The following NETO2 variants were observed in gnomAD, a reference collection of about 807,000 sequenced individuals.
The protein encoded by NETO2 is neuropilin and tolloid like 2.
In NETO2, 28 loss-of-function variants were observed where a neutral mutation model predicts 62.5. That is an observed-to-expected ratio of 0.45 (90% CI 0.33 to 0.61). NETO2 has a LOEUF of 0.61. NETO2 is among the 20% of genes least tolerant of loss of function. NETO2 has a pLI of 0.02. For synonymous variants in NETO2, 214 were observed against 219.1 expected (o/e 0.98, Z 0.21); for missense variants, 548 against 643.2 (o/e 0.85, Z 1.60).
chr16:47,114,643 G>T (rs1016919405), intron 6 of NETO2, among the ~76,000 whole-genome samples: 1 of 150,824 alleles, frequency 6.6e-6, no homozygotes. Context: ...GTAGAGACGG[G>T]GTTTTACCGT....
chr16:47,102,349 T>C (rs1351382977), intron 7 of NETO2, among the ~76,000 whole-genome samples: 1 of 152,058 alleles, frequency 6.6e-6, no homozygotes, highest in Non-Finnish European at 1.5e-5. Context: ...GAAGAAAACC[T>C]AGGCAATACC....
At chr16:47,112,504 G>T (rs1215667902) in intron 6 of NETO2, among the ~76,000 whole-genome samples, 1 of 152,064 alleles carries the variant, frequency 6.6e-6, no homozygotes, top group African/African-American at 2.4e-5. Context: ...GACTACCGGT[G>T]TGCACCACCA....
Position 47,081,211 on chromosome 16 carries a change from A to G in NETO2, c.*2010T>C, listed in dbSNP as rs1050269438. On this transcript the variant is annotated 3_prime_UTR_variant, in exon 9 of 9. Coordinates refer to ENST00000562435, the MANE Select transcript of NETO2 (RefSeq NM_018092.5). ...AATAATTTTACATAGAAAATATGCTAACTTCCCTTTTATCATCATAAGATC... is the reference window on the plus strand; with the variant it reads ...AATAATTTTACATAGAAAATATGCTGACTTCCCTTTTATCATCATAAGATC... 1 of 152,192 alleles carries G rather than the reference A, an allele frequency of 6.6e-6. No homozygotes were observed. Among genetic ancestry groups the G allele is most frequent in the Non-Finnish European group, 1.5e-5 (1 of 68,006 alleles). The allele number at this position is 152,192 out of a possible 1,614,324, so 9.4% of individuals were successfully genotyped here.
At chr16:47,110,713 A>T (rs1169600430) in intron 6 of NETO2, among the ~76,000 whole-genome samples, 1 of 152,166 alleles carries the variant, frequency 6.6e-6, no homozygotes, top group Non-Finnish European at 1.5e-5. Context: ...ATGAGTATTC[A>T]CTTCCTAGCT....
chr16:47,120,397 G>C (rs1463864935), intron 6 of NETO2, among the ~76,000 whole-genome samples: 1 of 152,034 alleles, frequency 6.6e-6, no homozygotes, highest in Non-Finnish European at 1.5e-5. Flanking sequence ...GTATATAATA[G>C]CTATATGTAT....
intron 6 of NETO2, among the ~76,000 whole-genome samples, chr16:47,115,566 T>C (rs1209366209): frequency 6.6e-6 from 1 of 151,014 alleles, no homozygotes; most frequent in Non-Finnish European, 1.5e-5. Context: ...CTCAGTTTGT[T>C]GTCCAGGCTG....
chr16:47,121,711 T>C (rs1051163277), intron 6 of NETO2, among the ~76,000 whole-genome samples: 3 of 152,208 alleles, frequency 2.0e-5, no homozygotes, highest in African/African-American at 7.2e-5. Flanking sequence ...TTTCTCAGTA[T>C]GGGAATTAAA....
chr16:47,140,705 C>G lies in NETO2; in HGVS notation c.34+2874G>C, dbSNP rs555108335. 2.0e-5 allele frequency among the ~76,000 whole-genome samples: 3 copies of G among 152,172 alleles called. No individual in the cohort carries two copies. In the South Asian group the frequency reaches 6.2e-4, roughly 32 times the overall value. On this transcript the variant is annotated intron_variant, in intron 1 of 8. Transcript: ENST00000562435. ...TTAATAAGGCTTTAGTATTAAAGGA[C>G]AAGTTTTTCAGTACCACACTTATTT...
chr16:47,100,214 G>C (rs1331400534), intron 7 of NETO2, among the ~76,000 whole-genome samples: 1 of 152,064 alleles, frequency 6.6e-6, no homozygotes, highest in Non-Finnish European at 1.5e-5. Flanking sequence ...ATGACTATGG[G>C]GTAAATAACA....
chr16:47,115,726 T>TATATATATACACAC (rs1963903917), intron 6 of NETO2, among the ~76,000 whole-genome samples: 1 of 139,828 alleles, frequency 7.2e-6, no homozygotes, highest in African/African-American at 2.9e-5. Flanking sequence ...TATATATATA[T>TATATATATACACAC]ATATACATGT....
At position 47,080,028 on chromosome 16, in the gene NETO2, A is replaced by C. The variant is rs994607443; in HGVS notation, c.*3193T>G. 2.6e-5 allele frequency: 4 copies of C among 152,236 alleles called. No individual in the cohort carries two copies. The highest frequency in any genetic ancestry group is 2.9e-5 in the Non-Finnish European group (2 of 68,036). 9.4% of individuals were successfully genotyped at this position (152,236 alleles called of 1,614,324 possible). On this transcript the variant is annotated 3_prime_UTR_variant, in exon 9 of 9. Coordinates refer to ENST00000562435, the MANE Select transcript of NETO2 (RefSeq NM_018092.5). ...TCTTTTAAAGTCTAACAATTCTATG[A>C]AACATGACAAAGACACTGACATAAG...
chr16:47,131,329 T>C (rs928002714), intron 2 of NETO2, among the ~76,000 whole-genome samples: 1 of 152,176 alleles, frequency 6.6e-6, no homozygotes, highest in Admixed American at 6.5e-5. Flanking sequence ...CAATACAGCA[T>C]GTTATTTAGA....
intron 7 of NETO2, among the ~76,000 whole-genome samples, chr16:47,103,034 C>T (rs987348356): frequency 6.6e-6 from 1 of 152,114 alleles, no homozygotes; most frequent in Non-Finnish European, 1.5e-5. Flanking sequence ...AGACTTGGAA[C>T]CAACCCAAAT....
At chr16:47,110,440 T>C (rs1963770659) in intron 6 of NETO2, among the ~76,000 whole-genome samples, 1 of 152,238 alleles carries the variant, frequency 6.6e-6, no homozygotes, top group South Asian at 2.1e-4. Context: ...AATTTAGATT[T>C]TAAGCATTAA....
intron 8 of NETO2, 43 bp from the exon 9 acceptor site, chr16:47,083,844 T>A: frequency 1.4e-6 from 2 of 1,403,146 alleles, no homozygotes; most frequent in Non-Finnish European, 2.0e-6. Flanking sequence ...CAAAATACAT[T>A]AATATGAATC....
chr16:47,084,338 T>C (rs1463706822), intron 8 of NETO2, among the ~76,000 whole-genome samples: 1 of 152,198 alleles, frequency 6.6e-6, no homozygotes, highest in Non-Finnish European at 1.5e-5. Flanking sequence ...CACAGTAAGA[T>C]ATTTATTGAA....
Position 47,122,850 on chromosome 16 carries a change from A to C in NETO2, c.526+18T>G. Reference sequence around the variant, plus strand: ...CTAATCAAAAATGCCAAGAGGAACAAGTGGTAATATACTAAACCTGGAATG... The same window carrying C: ...CTAATCAAAAATGCCAAGAGGAACACGTGGTAATATACTAAACCTGGAATG... On this transcript the variant is annotated intron_variant, in intron 5 of 8. Transcript: ENST00000562435. The C allele has an allele frequency of 6.2e-7, 1 of 1,614,080 alleles. No homozygotes were observed. Among genetic ancestry groups the C allele is most frequent in the Non-Finnish European group, 8.5e-7 (1 of 1,179,984 alleles).
Position 47,080,882 on chromosome 16 carries a change from T to G in NETO2, c.*2339A>C, listed in dbSNP as rs183354801. On this transcript the variant is annotated 3_prime_UTR_variant, in exon 9 of 9. Coordinates refer to ENST00000562435, the MANE Select transcript of NETO2 (RefSeq NM_018092.5). ...GCTGTAGTTCAAGAGGAAATTAGCC[T>G]CTGCACATAAGTTTTTTTACTGTGA... 39 of 152,354 alleles carry G rather than the reference T, an allele frequency of 2.6e-4. No individual in the cohort carries two copies. Among genetic ancestry groups the G allele is most frequent in the Admixed American group, 1.0e-3 (16 of 15,304 alleles). 9.4% of individuals were successfully genotyped at this position (152,354 alleles called of 1,614,324 possible). A position where few individuals can be genotyped will look rare whatever the true frequency, so the allele number is the denominator to read the frequency against.
intron 7 of NETO2, among the ~76,000 whole-genome samples, chr16:47,086,918 T>C (rs1488052977): frequency 6.6e-6 from 1 of 152,008 alleles, no homozygotes; most frequent in Admixed American, 6.6e-5. Flanking sequence ...GGATAAACAA[T>C]GTAGCATCCA....
Sources: gnomAD v4.1 joint callset for allele counts (sites outside exome capture counted in the v4.1 genomes callset) on GRCh38, gnomAD v4.1.1 for gene constraint, MANE v1.5 for transcripts, NCBI Gene and HGNC (gene_info 2026-07-23, HGNC 2026-07-21) for gene names.